The following SYNE1 variants were observed in gnomAD, a reference collection of about 807,000 sequenced individuals.
SYNE1 encodes nesprin-1.
A neutral mutation model predicts 1,111.0 loss-of-function variants in SYNE1; 616 were observed. That is an observed-to-expected ratio of 0.55 (90% CI 0.52 to 0.59). The LOEUF (loss-of-function observed/expected upper bound fraction) is 0.59. Ranked by LOEUF, SYNE1 falls within the 20% of genes least tolerant of loss-of-function variation. The pLI is 0.00. For missense variants in SYNE1, 10,006 were observed against 10,417.0 expected (o/e 0.96, Z 1.72); for synonymous variants, 3,855 against 3,825.8 (o/e 1.01, Z -0.28).
chr6:152,571,176 C>A (rs1400994900), intron 3 of SYNE1, among the ~76,000 whole-genome samples: 1 of 152,140 alleles, frequency 6.6e-6, no homozygotes, highest in East Asian at 1.9e-4. Flanking sequence ...GTGTTCCATT[C>A]TGAGGTTTCT....
chr6:152,426,894 T>A (rs1166841479), intron 38 of SYNE1, among the ~76,000 whole-genome samples: 2 of 151,894 alleles, frequency 1.3e-5, no homozygotes, highest in Admixed American at 6.6e-5. Flanking sequence ...GGTGACAGAG[T>A]TTTCAGAGAA....
chr6:152,318,832 C>G (rs1221201849), intron 85 of SYNE1, 31 bp downstream of exon 85: 2 of 1,612,524 alleles, frequency 1.2e-6, no homozygotes, highest in African/African-American at 2.7e-5. Flanking sequence ...TTAATTCATT[C>G]AGTAGTACCC....
intron 77 of SYNE1, 96 bp from the exon 78 acceptor site, chr6:152,331,986 T>C: frequency 6.4e-7 from 1 of 1,560,670 alleles, no homozygotes; most frequent in East Asian, 2.2e-5. Context: ...ATTTTCTTTT[T>C]GGAGACTGAG....
At chr6:152,276,831 C>A (rs2093654094) in intron 98 of SYNE1, among the ~76,000 whole-genome samples, 1 of 151,530 alleles carries the variant, frequency 6.6e-6, no homozygotes, top group African/African-American at 2.4e-5. Flanking sequence ...ACTATTTGGT[C>A]CCTGGCTTAC....
Position 152,373,036 on chromosome 6 carries a change from C to A in SYNE1, c.9507+1G>T. On this transcript the variant is annotated splice_donor_variant, in intron 59 of 145. Transcript: ENST00000367255. LOFTEE classifies it high-confidence loss of function. ...GCTTCCATGTGGTTGGCTATATATA[C>A]CTCTAGAGCAGATTCTTTTTGGTGG... 2 of 1,613,706 alleles carry A rather than the reference C, an allele frequency of 1.2e-6. No individual in the cohort carries two copies. The highest frequency in any genetic ancestry group is 1.7e-6 in the Non-Finnish European group (2 of 1,179,642).
At chr6:152,483,381 A>G in intron 13 of SYNE1, 132 bp from the exon 14 acceptor site, 1 of 814,320 alleles carries the variant, frequency 1.2e-6, no homozygotes. Flanking sequence ...TAAATATCAA[A>G]TAAGCAAATG....
At chr6:152,362,028 C>T (rs2096940486) in intron 64 of SYNE1, 142 bp downstream of exon 64, 1 of 1,149,220 alleles carries the variant, frequency 8.7e-7, no homozygotes, top group South Asian at 1.4e-5. Flanking sequence ...TTTAAGAAGC[C>T]TTTAGAGATT....
At chr6:152,511,526 T>A (rs1454544167) in intron 6 of SYNE1, 1 of 1,581,830 alleles carries the variant, frequency 6.3e-7, no homozygotes, top group African/African-American at 1.3e-5. Flanking sequence ...TGTTCCCTTT[T>A]ACCTATAAAA....
intron 3 of SYNE1, among the ~76,000 whole-genome samples, chr6:152,576,144 G>A (rs1355397373): frequency 2.0e-5 from 3 of 152,140 alleles, no homozygotes; most frequent in Admixed American, 2.0e-4. Context: ...ACTCTAATCT[G>A]CGTTAGCTGC....
intron 78 of SYNE1, among the ~76,000 whole-genome samples, chr6:152,327,025 G>A (rs2096085461): frequency 6.6e-6 from 1 of 152,142 alleles, no homozygotes; most frequent in African/African-American, 2.4e-5. Context: ...AGGCGTGCTG[G>A]CTCATGACTG....
intron 128 of SYNE1, among the ~76,000 whole-genome samples, chr6:152,187,170 C>T (rs2070395733): frequency 6.6e-6 from 1 of 152,296 alleles, no homozygotes; most frequent in South Asian, 2.1e-4. Context: ...CCATCTCATA[C>T]ATGTATCCCC....
At chr6:152,589,032 C>T (rs148518964) in intron 3 of SYNE1, among the ~76,000 whole-genome samples, 34 of 152,028 alleles carry the variant, frequency 2.2e-4, no homozygotes, top group African/African-American at 7.0e-4. Context: ...TCACTGCAAC[C>T]TCTACCTCCC....
intron 69 of SYNE1, 150 bp downstream of exon 69, chr6:152,353,113 C>T (rs1343960167): frequency 1.8e-6 from 2 of 1,095,144 alleles, no homozygotes; most frequent in Non-Finnish European, 1.4e-6. Flanking sequence ...CCTTAAGGAG[C>T]CAACTTAGTA....
chr6:152,222,350 G>A (rs1405319254), intron 117 of SYNE1, among the ~76,000 whole-genome samples: 2 of 152,142 alleles, frequency 1.3e-5, no homozygotes, highest in South Asian at 2.1e-4. Flanking sequence ...GTTATGTAAC[G>A]TGCTATCTGC....
At chr6:152,453,112 G>A (rs2098664870) in intron 25 of SYNE1, among the ~76,000 whole-genome samples, 1 of 152,214 alleles carries the variant, frequency 6.6e-6, no homozygotes, top group East Asian at 1.9e-4. Flanking sequence ...GGGGGGAAGA[G>A]GGGTATGCTT....
chr6:152,442,233 G>A lies in SYNE1; in HGVS notation c.3850C>T (p.Arg1284Trp), dbSNP rs140780725. The A allele has an allele frequency of 3.3e-5, 53 of 1,612,906 alleles. No homozygotes were observed. In the African/African-American group the frequency reaches 6.3e-4, roughly 19 times the overall value. The change falls in exon 31 of 146, where the codon CGG (arginine) becomes TGG (tryptophan). Residue 1284 changes from arginine (R) to tryptophan (W), a missense_variant. Transcript: ENST00000367255. ...LLLHHQQKTK[R>W]ISAKKRDVQQ... ...ACATCTCTCTTCTTTGCTGAGATCC[G>A]CTTTGTCTTTTGCTAGAAGCATTTA...
At chr6:152,220,765 G>A (rs529880712) in intron 119 of SYNE1, 77 bp downstream of exon 119, 14 of 1,342,220 alleles carry the variant, frequency 1.0e-5, no homozygotes, top group African/African-American at 4.3e-5. Flanking sequence ...ACATACCAAA[G>A]CTTACACAGA....
chr6:152,479,504 A>G (rs909749253), intron 14 of SYNE1, among the ~76,000 whole-genome samples: 4 of 152,204 alleles, frequency 2.6e-5, no homozygotes, highest in Admixed American at 6.5e-5. Flanking sequence ...TTTTAAGCCT[A>G]GTGCTGAAGA....
In SYNE1 at chr6:152,475,824, G is replaced by C. The variant is rs376957353; in HGVS notation, c.1351-3411C>G. On this transcript the variant is annotated intron_variant, in intron 14 of 145. Coordinates refer to ENST00000367255, the MANE Select transcript of SYNE1 (RefSeq NM_182961.4). ...TCTTTATAAGAACTTGTGGTGTTTT[G>C]ATAATGGAAGCCAACTAGGAATTTT... Among the ~76,000 whole-genome samples, 15 of 152,298 alleles carry C rather than the reference G, an allele frequency of 9.8e-5. 1 individual carries two copies. The South Asian group carries it at 3.1e-3, about 32-fold the overall frequency.
Sources: allele counts gnomAD v4.1 joint callset (sites outside exome capture counted in the v4.1 genomes callset), GRCh38; gene constraint gnomAD v4.1.1; transcripts MANE v1.5; gene names NCBI Gene and HGNC (gene_info 2026-07-23, HGNC 2026-07-21).